The following FRYL variants were observed in gnomAD, a reference collection of about 807,000 sequenced individuals.
The protein encoded by FRYL is FRY like transcription coactivator.
FRYL carries 150 observed loss-of-function variants against 351.2 expected under a neutral mutation model. That is an observed-to-expected ratio of 0.43 (90% CI 0.37 to 0.49). The LOEUF is 0.49. Among genes scored for constraint, FRYL ranks in the 20% least tolerant of loss-of-function variants. The pLI, the probability that FRYL is intolerant of heterozygous loss-of-function variation, is 0.00. For missense variants in FRYL, 3,036 were observed against 3,619.3 expected, an observed-to-expected ratio of 0.84 and a Z score of 4.13; for synonymous variants, 1,153 against 1,257.1, an observed-to-expected ratio of 0.92 and a Z score of 1.75.
intron 33 of FRYL, among the ~76,000 whole-genome samples, chr4:48,559,693 G>GGT (rs1435695606): frequency 8.0e-6 from 1 of 124,404 alleles, no homozygotes; most frequent in Admixed American, 8.2e-5. Flanking sequence ...GGGGATAGGG[G>GGT]GTGGGGGAGA....
chr4:48,575,307 A>G (rs763541134), intron 24 of FRYL, 66 bp from the exon 25 acceptor site: 2 of 1,509,438 alleles, frequency 1.3e-6, no homozygotes, highest in Admixed American at 3.4e-5. Context: ...ATAATCTGAG[A>G]TTTCAGTAGT....
At chr4:48,666,081 G>C (rs1266632514) in intron 3 of FRYL, among the ~76,000 whole-genome samples, 1 of 152,212 alleles carries the variant, frequency 6.6e-6, no homozygotes, top group African/African-American at 2.4e-5. Context: ...AGAGGACAAG[G>C]CCAAGCACAG....
chr4:48,601,438 T>A (rs1455182326), intron 13 of FRYL, among the ~76,000 whole-genome samples: 1 of 152,204 alleles, frequency 6.6e-6, no homozygotes, highest in Non-Finnish European at 1.5e-5. Context: ...AAATGATCCT[T>A]CTATCTCTCA....
intron 3 of FRYL, among the ~76,000 whole-genome samples, chr4:48,641,024 T>C (rs1755211550): frequency 6.6e-6 from 1 of 152,088 alleles, no homozygotes; most frequent in African/African-American, 2.4e-5. Flanking sequence ...AGATTAAAAG[T>C]AGTGAACAGA....
At chr4:48,778,837 C>A (rs1454844806) in intron 1 of FRYL, among the ~76,000 whole-genome samples, 8 of 151,932 alleles carry the variant, frequency 5.3e-5, no homozygotes, top group South Asian at 2.1e-4. Context: ...TTTTTCCCCC[C>A]CAATCCGACA....
At position 48,633,970 on chromosome 4, in the gene FRYL, A is replaced by G. The variant is rs542137024; in HGVS notation, c.120+321T>C. On this transcript the variant is annotated intron_variant, in intron 4 of 63. Transcript: ENST00000358350. ...CTCACATTCTCCAAGTATGTCTCAC[A>G]CAATATACATGTAAAATATGTTCTC... 1.1e-3 allele frequency among the ~76,000 whole-genome samples: 166 copies of G among 152,338 alleles called. 3 individuals carry two copies. In the South Asian group the frequency reaches 0.034, roughly 31 times the overall value.
At chr4:48,657,338 T>TTTTTC (rs1172481577) in intron 3 of FRYL, among the ~76,000 whole-genome samples, 13 of 148,688 alleles carry the variant, frequency 8.7e-5, no homozygotes, top group East Asian at 2.0e-4. Flanking sequence ...GCCCAGCTGA[T>TTTTTC]TTTTCTTTTC....
At position 48,603,363 on chromosome 4, in the gene FRYL, G is replaced by C; in HGVS notation, c.860C>G (p.Pro287Arg). 1 of 1,610,034 alleles carries C rather than the reference G, an allele frequency of 6.2e-7. No homozygotes were observed. Among genetic ancestry groups the C allele is most frequent in the East Asian group, 2.2e-5 (1 of 44,748 alleles). ...CATCTCCACAAAATTTTTCAAACAG[G>C]GAACATTCACTTCATTTTTAACAGC... ...AAAVKNEVNV[P>R]CLKNFVEMLY... is the part of the protein sequence containing the mutation. The change falls in exon 12 of 64, where the codon CCC becomes CGC. Residue 287 changes from proline (P) to arginine (R), a missense_variant. This residue lies in a region of FRYL where 457 missense variants were observed against 566.6 expected (regional missense o/e 0.81). Coordinates refer to ENST00000358350, the MANE Select transcript of FRYL (RefSeq NM_015030.2).
intron 4 of FRYL, among the ~76,000 whole-genome samples, chr4:48,624,488 T>C (rs182850852): frequency 6.6e-6 from 1 of 152,254 alleles, no homozygotes; most frequent in Admixed American, 6.5e-5. Context: ...TCAGTCTAGA[T>C]CACTGTCTAA....
chr4:48,678,175 A>C (rs1272113187), intron 3 of FRYL, among the ~76,000 whole-genome samples: 2 of 152,148 alleles, frequency 1.3e-5, no homozygotes, highest in African/African-American at 4.8e-5. Flanking sequence ...GGTGGATAAC[A>C]AGGGTCAAGA....
chr4:48,544,963 C>G, intron 42 of FRYL, 59 bp from the exon 43 acceptor site: 1 of 1,534,694 alleles, frequency 6.5e-7, no homozygotes, highest in Non-Finnish European at 8.8e-7. Flanking sequence ...AACAGTTGTA[C>G]TCACACTTGC....
chr4:48,536,371 A>C (rs1577996300), intron 47 of FRYL, among the ~76,000 whole-genome samples: 1 of 152,192 alleles, frequency 6.6e-6, no homozygotes, highest in Admixed American at 6.5e-5. Context: ...AGAATCTCCA[A>C]TGGATGACAG....
intron 33 of FRYL, among the ~76,000 whole-genome samples, 192 bp downstream of exon 33, chr4:48,561,276 C>T (rs555403962): frequency 2.0e-5 from 3 of 151,952 alleles, no homozygotes; most frequent in South Asian, 2.1e-4. Context: ...ATAAGGACGC[C>T]GTTGATAGAA....
chr4:48,498,184 T>C lies in FRYL; in HGVS notation c.*1238A>G, dbSNP rs1282450723. ...CAGTGAATAAGTATATTGCATGTTT[T>C]GGTAGTCAGTCTTCAGGCTTCCTTT... On this transcript the variant is annotated 3_prime_UTR_variant, in exon 64 of 64. Transcript: ENST00000358350. The C allele has an allele frequency of 6.6e-6, 1 of 152,202 alleles. No individual in the cohort carries two copies. The highest frequency in any genetic ancestry group is 1.5e-5 in the Non-Finnish European group (1 of 68,028). 9.4% of individuals were successfully genotyped at this position (152,202 alleles called of 1,614,324 possible).
intron 13 of FRYL, among the ~76,000 whole-genome samples, chr4:48,599,036 AT>A (rs1283181478): frequency 1.1e-4 from 16 of 152,274 alleles, no homozygotes; most frequent in South Asian, 6.2e-4. Context: ...AAAAAAAAAA[AT>A]CTCACGATTT....
At position 48,665,556 on chromosome 4, in the gene FRYL, T is replaced by C. The variant is rs77307662; in HGVS notation, c.-81+19117A>G. ...CATAATGCATATTTATTTTATTGTC[T>C]TGAAGCTGGAATTATTAATACCAAC... is the stretch of plus-strand genomic sequence containing the variant. On this transcript the variant is annotated intron_variant, in intron 3 of 63. Transcript: ENST00000358350. Among the ~76,000 whole-genome samples, 1,038 of 152,324 alleles carry C rather than the reference T, an allele frequency of 6.8e-3. 8 individuals are homozygous for C. The highest frequency in any genetic ancestry group is 0.011 in the Non-Finnish European group (767 of 68,020).
chr4:48,582,467 A>G (rs941947168), intron 20 of FRYL, 30 bp downstream of exon 20: 3 of 1,417,352 alleles, frequency 2.1e-6, no homozygotes, highest in Non-Finnish European at 3.0e-6. Flanking sequence ...CTGACCACAT[A>G]CAAAAGGACA....
intron 1 of FRYL, among the ~76,000 whole-genome samples, chr4:48,777,330 T>C (rs1409524332): frequency 6.6e-6 from 1 of 152,212 alleles, no homozygotes; most frequent in Non-Finnish European, 1.5e-5. Context: ...AGTAAGCCAA[T>C]TGCTGGCCTT....
chr4:48,614,276 A>G (rs1432956453), intron 7 of FRYL, among the ~76,000 whole-genome samples: 1 of 152,206 alleles, frequency 6.6e-6, no homozygotes, highest in Non-Finnish European at 1.5e-5. Context: ...AAGAAAGAGA[A>G]AAGAATCTCA....
Sources: allele counts gnomAD v4.1 joint callset (sites outside exome capture counted in the v4.1 genomes callset), GRCh38; gene constraint gnomAD v4.1.1; regional missense constraint gnomAD v4.1.1; transcripts MANE v1.5; gene names NCBI Gene and HGNC (gene_info 2026-07-23, HGNC 2026-07-21).